Variants in TTC19 observed in about 807,000 individuals in gnomAD.
The protein encoded by TTC19 is tetratricopeptide repeat domain 19.
Under a neutral mutation model 49.5 loss-of-function variants are expected in TTC19, and 38 were observed. The observed-to-expected ratio is 0.77, with a 90% CI of 0.59 to 1.01. The LOEUF (loss-of-function observed/expected upper bound fraction) is 1.01. TTC19 is among the 50% of genes least tolerant of loss of function. The probability of loss-of-function intolerance (pLI) is 0.00; values close to 1 mark genes in which losing one functional copy is unlikely to be tolerated. For missense variants in TTC19, 475 were observed against 477.7 expected, an observed-to-expected ratio of 0.99 and a Z score of 0.05; for synonymous variants, 204 against 185.2, an observed-to-expected ratio of 1.10 and a Z score of -0.83.
In TTC19 at chr17:16,000,245, G is replaced by A. The variant is rs1050453784; in HGVS notation, c.312G>A (p.Lys104=). 1 of 1,594,880 alleles carries A rather than the reference G, an allele frequency of 6.3e-7. No individual in the cohort carries two copies. Among genetic ancestry groups the A allele is most frequent in the South Asian group, 1.1e-5 (1 of 90,922 alleles). ...AEIIQLLKRA[K]LSIMKDEPEE... ...TCATCCAGCTGCTGAAGCGAGCCAA[G>A]GTGAGGCGGCTCCGGGCCCTGCGCC... The change falls in exon 2 of 10, where the codon AAG becomes AAA. Residue 104 remains lysine (K), a splice_region_variant and synonymous_variant. Coordinates refer to ENST00000261647, the MANE Select transcript of TTC19 (RefSeq NM_017775.4).
Position 15,999,923 on chromosome 17 carries a change from C to G in TTC19, c.75C>G (p.Ser25=). 1 of 1,348,726 alleles carries G rather than the reference C, an allele frequency of 7.4e-7. No homozygotes were observed. The highest frequency in any genetic ancestry group is 9.4e-7 in the Non-Finnish European group (1 of 1,058,538). 83.5% of individuals were successfully genotyped at this position (1,348,726 alleles called of 1,614,324 possible). ...CGGGGCGGCGGTGCCGGGGCTGCTC[C>G]GCGCGCCTGCTCCCGGGGCTGGCAG... ...RAAGRRCRGC[S]ARLLPGLAGG... Residue 25 remains serine (S), a synonymous_variant, in exon 1 of 10, where the codon TCC becomes TCG. Transcript: ENST00000261647.
rs1310537158 is a variant in TTC19 at position 16,029,044 on chromosome 17, A to T, written c.*1522A>T. 2.2e-6 allele frequency: 1 copy of T among 451,368 alleles called. No homozygotes were observed. Among genetic ancestry groups the T allele is most frequent in the Non-Finnish European group, 4.4e-6 (1 of 226,068 alleles). The allele number at this position is 451,368 out of a possible 1,614,324, so 28.0% of individuals were successfully genotyped here. On this transcript the variant is annotated 3_prime_UTR_variant, in exon 10 of 10. Transcript: ENST00000261647. ...GATACAATATAAATCAGACTGTTTCAGTAGAAACCAGTATTAACGTATGGT... is the reference window on the plus strand; with the variant it reads ...GATACAATATAAATCAGACTGTTTCTGTAGAAACCAGTATTAACGTATGGT...
Position 16,028,117 on chromosome 17 carries a change from C to T in TTC19, c.*595C>T, listed in dbSNP as rs1045094779. ...ATTAGGCACGTGACAGTATAGCACCCATTTGAATTTAAATAAAAGTGAACC... is the reference window on the plus strand; with the variant it reads ...ATTAGGCACGTGACAGTATAGCACCTATTTGAATTTAAATAAAAGTGAACC... On this transcript the variant is annotated 3_prime_UTR_variant, in exon 10 of 10. Coordinates refer to ENST00000261647, the MANE Select transcript of TTC19 (RefSeq NM_017775.4). 1 of 453,886 alleles carries T rather than the reference C, an allele frequency of 2.2e-6. No individual in the cohort carries two copies. The highest frequency in any genetic ancestry group is 2.0e-5 in the African/African-American group (1 of 49,966). The allele number at this position is 453,886 out of a possible 1,614,324, so 28.1% of individuals were successfully genotyped here.
At chr17:16,010,126 T>C (rs4792713) in intron 7 of TTC19, among the ~76,000 whole-genome samples, 88,434 of 149,486 alleles carry the variant, frequency 0.59, 26,723 homozygotes, top group African/African-American at 0.68. Context: ...TTCTTGGCTA[T>C]CTCACCCACC....
At chr17:16,016,552 A>ATTTTTT (rs769994419) in intron 7 of TTC19, among the ~76,000 whole-genome samples, 2 of 94,048 alleles carry the variant, frequency 2.1e-5, no homozygotes, top group Non-Finnish European at 4.1e-5. Flanking sequence ...AGTTGTTCTA[A>ATTTTTT]TTTTTTTTTT....
chr17:16,039,497 G>A (rs909552730), intron 2 of TTC19: 7 of 1,613,888 alleles, frequency 4.3e-6, no homozygotes, highest in Non-Finnish European at 5.9e-6. Context: ...CTGAGGTGTT[G>A]GCAGTACCAG....
chr17:16,039,782 C>T lies in TTC19; in HGVS notation c.248-4721C>T, dbSNP rs991588231. 16 of 809,160 alleles carry T rather than the reference C, an allele frequency of 2.0e-5. No homozygotes were observed. In the Admixed American group the frequency reaches 3.3e-4, roughly 17 times the overall value. 50.1% of individuals were successfully genotyped at this position (809,160 alleles called of 1,614,324 possible). The stretch of plus-strand genomic sequence containing the variant: ...AGTGACCTAGAACAATACCAGGACC[C>T]ACCACACAGAGACCTTTTTTTTTGG... On this transcript the variant is annotated intron_variant, in intron 2 of 2. Transcript: ENST00000470649.
intron 2 of TTC19, chr17:16,039,505 C>G: frequency 6.2e-7 from 1 of 1,614,074 alleles, no homozygotes; most frequent in Non-Finnish European, 8.5e-7. Context: ...TTGGCAGTAC[C>G]AGGCACTACT....
intron 7 of TTC19, chr17:16,024,224 C>G (rs1347376578): frequency 6.6e-6 from 1 of 152,004 alleles, no homozygotes; most frequent in East Asian, 1.9e-4. Context: ...TTGAGAGGTG[C>G]TATGTCATTG....
chr17:16,025,069 T>C lies in TTC19; in HGVS notation c.729T>C (p.Cys243=), dbSNP rs150104000. 3.1e-6 allele frequency: 5 copies of C among 1,613,978 alleles called. No homozygotes were observed. In the Admixed American group the frequency reaches 5.0e-5, roughly 16 times the overall value. The change falls in exon 8 of 10, where the codon TGT becomes TGC. Residue 243 remains cysteine (C), a synonymous_variant. Coordinates refer to ENST00000261647, the MANE Select transcript of TTC19 (RefSeq NM_017775.4). ...HLLLGMCLDA[C]ARYLLFSKQP... ...TCTTGGGCATGTGCTTAGACGCCTG[T>C]GCTCGCTACCTTCTGTTCTCCAAGC...
At chr17:16,043,577 G>GA (rs1280026829) in intron 2 of TTC19, among the ~76,000 whole-genome samples, 2 of 152,310 alleles carry the variant, frequency 1.3e-5, no homozygotes, top group South Asian at 2.1e-4. Context: ...AGGCAAGAGA[G>GA]AAAAAACTAT....
chr17:16,002,746 G>A, intron 3 of TTC19, 47 bp from the exon 4 acceptor site: 1 of 1,573,054 alleles, frequency 6.4e-7, no homozygotes, highest in Non-Finnish European at 8.7e-7. Flanking sequence ...GAAATAAGTA[G>A]GAACACAGTA....
chr17:16,032,365 C>G (rs2151756009), downstream of TTC19: 1 of 1,614,108 alleles, frequency 6.2e-7, no homozygotes, highest in South Asian at 1.1e-5. Context: ...GCTCCCAGAT[C>G]CTGTTCTGTT....
At chr17:16,042,134 G>C (rs2057825433) in intron 2 of TTC19, among the ~76,000 whole-genome samples, 1 of 135,892 alleles carries the variant, frequency 7.4e-6, no homozygotes, top group African/African-American at 3.0e-5. Flanking sequence ...AAACAAACTT[G>C]GTTGATTAGG....
At chr17:16,021,110 G>A (rs1971367207) in intron 7 of TTC19, among the ~76,000 whole-genome samples, 1 of 152,196 alleles carries the variant, frequency 6.6e-6, no homozygotes. Context: ...AAAGTTGGCT[G>A]GGCGCAGTGG....
At chr17:16,013,251 C>T (rs1971124355) in intron 7 of TTC19, among the ~76,000 whole-genome samples, 2 of 152,138 alleles carry the variant, frequency 1.3e-5, no homozygotes, top group African/African-American at 4.8e-5. Context: ...CATTTTAGGG[C>T]ATTTTTATGA....
chr17:16,003,785 A>ATAT, intron 4 of TTC19, 46 bp from the exon 5 acceptor site: 1 of 1,522,226 alleles, frequency 6.6e-7, no homozygotes, highest in Non-Finnish European at 9.0e-7. Context: ...ATATATATAT[A>ATAT]AAATGGGGCC....
At chr17:16,032,253 A>C, downstream of TTC19, 4 of 1,516,480 alleles carry the variant, frequency 2.6e-6, no homozygotes, top group Non-Finnish European at 3.5e-6. Context: ...CACAAAAACT[A>C]GAGATCCCTC....
In TTC19 at chr17:15,999,856, G is replaced by C; in HGVS notation, c.8G>C (p.Arg3Pro). 2.6e-6 allele frequency: 4 copies of C among 1,514,648 alleles called. No homozygotes were observed. The highest frequency in any genetic ancestry group is 1.2e-5 in the South Asian group (1 of 81,624). The allele number at this position is 1,514,648 out of a possible 1,614,324, so 93.8% of individuals were successfully genotyped here. Residue 3 changes from arginine (R) to proline (P), a missense_variant, in exon 1 of 10, where the codon CGG (arginine) becomes CCG (proline). Arg to Pro is a moderately radical substitution (Grantham distance 103). Coordinates refer to ENST00000261647, the MANE Select transcript of TTC19 (RefSeq NM_017775.4). The part of the protein sequence containing the change: MF[R>P]LLSWSLGRGF... ...AGAGGACGCGGCGGGAGCATGTTCC[G>C]GCTCCTGAGCTGGAGCCTGGGCCGA...
Sources: allele counts gnomAD v4.1 joint callset (sites outside exome capture counted in the v4.1 genomes callset), GRCh38; gene constraint gnomAD v4.1.1; transcripts MANE v1.5; gene names NCBI Gene and HGNC (gene_info 2026-07-23, HGNC 2026-07-21).